PAAF1: variants seen among roughly 807,000 people sequenced by gnomAD.
PAAF1 encodes proteasomal ATPase associated factor 1.
A neutral mutation model predicts 52.8 loss-of-function variants in PAAF1; 46 were observed. The observed-to-expected ratio is 0.87, with a 90% CI of 0.69 to 1.11. The LOEUF (loss-of-function observed/expected upper bound fraction) is 1.11. PAAF1 is among the 50% of genes most tolerant of loss of function. The probability of loss-of-function intolerance (pLI) is 0.00; values close to 1 mark genes in which losing one functional copy is unlikely to be tolerated. For missense variants in PAAF1, 424 were observed against 477.4 expected (o/e 0.89, Z 1.04); for synonymous variants, 178 against 172.8 (o/e 1.03, Z -0.24).
At chr11:73,882,494 T>C (rs1948942620) in intron 2 of PAAF1, among the ~76,000 whole-genome samples, 1 of 152,082 alleles carries the variant, frequency 6.6e-6, no homozygotes. Context: ...TCGCCCAGGC[T>C]GGAGTGCAGT....
intron 7 of PAAF1, 85 bp downstream of exon 7, chr11:73,909,678 C>T (rs1487391883): frequency 2.4e-6 from 3 of 1,236,188 alleles, no homozygotes; most frequent in Non-Finnish European, 2.3e-6. Flanking sequence ...TCTTCCTCAT[C>T]CTTTTCTGCT....
At chr11:73,921,951 C>T (rs1950230628) in intron 10 of PAAF1, 2 of 949,162 alleles carry the variant, frequency 2.1e-6, no homozygotes, top group African/African-American at 3.3e-5. Context: ...TCTGGAGTTC[C>T]TTCAGACACT....
Position 73,909,500 on chromosome 11 carries a change from G to A in PAAF1, c.634G>A (p.Gly212Arg), listed in dbSNP as rs576963104. 1 of 1,614,196 alleles carries A rather than the reference G, an allele frequency of 6.2e-7. No homozygotes were observed. The highest frequency in any genetic ancestry group is 1.7e-5 in the Admixed American group (1 of 60,024). Residue 212 changes from glycine (G) to arginine (R), a missense_variant, in exon 7 of 12, where the codon GGA (glycine) becomes AGA (arginine). Physicochemically the swap from Gly to Arg is moderately radical, Grantham distance 125. Transcript: ENST00000310571. ...GGATTGTGGGCGCTCAGCCTGCTTG[G>A]GAGTCCTTGCAGATTGTGGTTCTTC... ...LWDCGRSACL[G>R]VLADCGSSIN...
intron 2 of PAAF1, 149 bp from the exon 3 acceptor site, chr11:73,887,205 C>T (rs983847957): frequency 1.8e-6 from 1 of 562,500 alleles, no homozygotes; most frequent in African/African-American, 1.9e-5. Flanking sequence ...CTTTTTACTT[C>T]ACCTGACTTT....
chr11:73,912,076 C>T (rs1949949041), intron 7 of PAAF1, among the ~76,000 whole-genome samples: 1 of 151,780 alleles, frequency 6.6e-6, no homozygotes. Flanking sequence ...CACTGGTTTT[C>T]TTCCTATTTC....
chr11:73,899,408 CTTTTTTT>C (rs71065053), intron 5 of PAAF1, among the ~76,000 whole-genome samples, 164 bp downstream of exon 5: 139 of 101,198 alleles, frequency 1.4e-3, no homozygotes, highest in African/African-American at 4.4e-3. Context: ...TTCTTTTTCT[CTTTTTTT>C]TTTTTTTTTT....
intron 8 of PAAF1, 151 bp from the exon 9 acceptor site, chr11:73,916,394 G>A: frequency 3.3e-6 from 2 of 599,992 alleles, no homozygotes; most frequent in Non-Finnish European, 5.9e-6. Flanking sequence ...TCAGTTTTTG[G>A]TGAATGTGTA....
Position 73,916,660 on chromosome 11 carries a change from G to A in PAAF1, c.935G>A (p.Arg312Lys). Residue 312 changes from arginine (R) to lysine (K), a missense_variant and splice_region_variant, in exon 9 of 12, where the codon AGG (arginine) becomes AAG (lysine). Coordinates refer to ENST00000310571, the MANE Select transcript of PAAF1 (RefSeq NM_025155.3). ...TATCAGCTGGATGTGAGGAGTCCAA[G>A]GTGAGTCACCATTCATTTACATGAT... ...NIYQLDVRSP[R>K]APVQVIHRSG... The A allele has an allele frequency of 1.2e-6, 2 of 1,608,024 alleles. No homozygotes were observed. The highest frequency in any genetic ancestry group is 1.7e-6 in the Non-Finnish European group (2 of 1,174,982).
Position 73,909,594 on chromosome 11 carries a change from G to T in PAAF1, c.727+1G>T. ...CTTGGCTCCCCTGAGCAGATGCCCAGTAAGTTGATAATGATATGTAGCATT... is the reference window on the plus strand; with the variant it reads ...CTTGGCTCCCCTGAGCAGATGCCCATTAAGTTGATAATGATATGTAGCATT... On this transcript the variant is annotated splice_donor_variant, in intron 7 of 11. Coordinates refer to ENST00000310571, the MANE Select transcript of PAAF1 (RefSeq NM_025155.3). LOFTEE classifies it high-confidence loss of function. 2 of 1,613,768 alleles carry T rather than the reference G, an allele frequency of 1.2e-6. No homozygotes were observed. The highest frequency in any genetic ancestry group is 1.7e-6 in the Non-Finnish European group (2 of 1,179,688).
Sources: gnomAD v4.1 joint callset for allele counts (sites outside exome capture counted in the v4.1 genomes callset) on GRCh38, gnomAD v4.1.1 for gene constraint, MANE v1.5 for transcripts, NCBI Gene and HGNC (gene_info 2026-07-23, HGNC 2026-07-21) for gene names.